The following SMOX variants were observed in gnomAD, a reference collection of about 807,000 sequenced individuals.
SMOX encodes flavin containing amine oxidase.
In SMOX, 22 loss-of-function variants were observed where a neutral mutation model predicts 51.0. The ratio of observed to expected loss-of-function variants is 0.43; its 90% CI spans 0.31 to 0.62. The LOEUF (loss-of-function observed/expected upper bound fraction) is 0.62. SMOX is among the 20% of genes least tolerant of loss of function. The pLI is 0.10. For missense variants in SMOX, 566 were observed against 777.7 expected (o/e 0.73, Z 3.24); for synonymous variants, 282 against 307.8 (o/e 0.92, Z 0.88).
In SMOX at chr20:4,183,995, A is replaced by T. The variant is rs950069700; in HGVS notation, c.1530+341A>T. 8.6e-5 allele frequency among the ~76,000 whole-genome samples: 13 copies of T among 150,592 alleles called. 1 individual carries two copies. The East Asian group carries it at 2.5e-3, about 29-fold the overall frequency. On this transcript the variant is annotated intron_variant, in intron 6 of 6. Coordinates refer to ENST00000305958, the MANE Select transcript of SMOX (RefSeq NM_175839.3). This position sits in a 1 kb window ranked among gnomAD's most constrained non-coding sequence, Gnocchi z 4.3. ...TACAGTATTTTTTTTTTCTTTTTTG[A>T]GACAGGGTCTTGCTCTGTCTACACT...
rs1374488696 is a variant in SMOX, at chr20:4,182,031, G to A, written c.609+55G>A. On this transcript the variant is annotated intron_variant, in intron 4 of 6. Transcript: ENST00000305958. The surrounding 1 kb of genome is among the most constrained non-coding windows in gnomAD (Gnocchi z 8.4). ...GTCTGGGTCTGAGGAGGGCTACGCT[G>A]CTCCTACCCCTGCCCAACCCCGGCG... is the stretch of plus-strand genomic sequence containing the variant. 6.3e-7 allele frequency: 1 copy of A among 1,597,050 alleles called. No homozygotes were observed. Among genetic ancestry groups the A allele is most frequent in the Non-Finnish European group, 8.5e-7 (1 of 1,170,126 alleles).
chr20:4,160,935 C>CCCCCT (rs1336846010), intron 1 of SMOX, among the ~76,000 whole-genome samples: 13 of 152,194 alleles, frequency 8.5e-5, no homozygotes, highest in Non-Finnish European at 1.5e-4. Flanking sequence ...GGAGACCCCA[C>CCCCCT]CCCCTCCCCG....
intron 1 of SMOX, among the ~76,000 whole-genome samples, chr20:4,152,748 T>C (rs928700186): frequency 3.3e-5 from 5 of 152,234 alleles, no homozygotes; most frequent in African/African-American, 1.2e-4. Flanking sequence ...TGTTAACTCC[T>C]TTAATGCTCT....
rs73583969 is a variant in SMOX, at chr20:4,164,916, C to T, written c.-26-10114C>T. Among the ~76,000 whole-genome samples, 1,202 of 152,130 alleles carry T rather than the reference C, an allele frequency of 7.9e-3. 16 individuals carry two copies. The highest frequency in any genetic ancestry group is 0.027 in the African/African-American group (1,123 of 41,486). ...GTGTTTTTTTCTTTAGAGACAAGGT[C>T]GCCCATAGTGGAGTACAGTGGCATG... On this transcript the variant is annotated intron_variant, in intron 1 of 6. Transcript: ENST00000305958.
chr20:4,162,252 GACTCCCA>G (rs1026069848), intron 1 of SMOX, among the ~76,000 whole-genome samples: 48 of 151,780 alleles, frequency 3.2e-4, no homozygotes, highest in African/African-American at 1.1e-3. Flanking sequence ...CCCCACTCCC[GACTCCCA>G]ACTCCCAGGG....
At position 4,155,549 on chromosome 20, in the gene SMOX, C is replaced by T. The variant is rs146696694; in HGVS notation, c.-27+6572C>T. On this transcript the variant is annotated intron_variant, in intron 1 of 6. Transcript: ENST00000305958. ...AGGTCCCTCCAGGGGGGTTATCACA[C>T]GGTTTGCTGGGTGGGGCATTGCCTC... 6.5e-3 allele frequency among the ~76,000 whole-genome samples: 984 copies of T among 152,202 alleles called. 5 individuals are homozygous for T. The highest frequency in any genetic ancestry group is 0.014 in the Middle Eastern group (4 of 294).
At chr20:4,168,739 T>C (rs1376626044) in intron 1 of SMOX, among the ~76,000 whole-genome samples, 3 of 151,908 alleles carry the variant, frequency 2.0e-5, no homozygotes. Context: ...GTATTTTTAG[T>C]AGAGACAGGG....
intron 3 of SMOX, among the ~76,000 whole-genome samples, chr20:4,179,437 C>G (rs1469814377): frequency 6.6e-6 from 1 of 152,066 alleles, no homozygotes; most frequent in Admixed American, 6.6e-5. Context: ...TAAGGCGTAA[C>G]CCTGATGTCA....
At chr20:4,156,261 AAC>A (rs1470690338) in intron 1 of SMOX, among the ~76,000 whole-genome samples, 4 of 152,138 alleles carry the variant, frequency 2.6e-5, no homozygotes, top group Non-Finnish European at 5.9e-5. Flanking sequence ...CCACCAGGAA[AAC>A]ACCTGCTGGG....
chr20:4,175,372 A>G (rs1978757545), intron 2 of SMOX, 109 bp downstream of exon 2: 1 of 1,285,118 alleles, frequency 7.8e-7, no homozygotes, highest in Non-Finnish European at 1.1e-6. Flanking sequence ...TAAATGTTCC[A>G]TCATGCATCC....
At chr20:4,155,656 G>T (rs566737151) in intron 1 of SMOX, among the ~76,000 whole-genome samples, 5 of 152,220 alleles carry the variant, frequency 3.3e-5, no homozygotes, top group African/African-American at 1.2e-4. Context: ...TAATGATGGG[G>T]TCGAATTAGC....
At chr20:4,174,261 A>G (rs1028005304) in intron 1 of SMOX, among the ~76,000 whole-genome samples, 2 of 152,220 alleles carry the variant, frequency 1.3e-5, no homozygotes, top group African/African-American at 4.8e-5. Context: ...GTGCCAGGGA[A>G]AAGCCAGGCA....
rs968788385 is a variant in SMOX at position 4,153,555 on chromosome 20, C to T, written c.-27+4578C>T. ...GGGACCTGGCTGGCTGGCTGAGGAA[C>T]GGTTTGCTGACCACACAGGGATGGG... On this transcript the variant is annotated intron_variant, in intron 1 of 6. Coordinates refer to ENST00000305958, the MANE Select transcript of SMOX (RefSeq NM_175839.3). The surrounding 1 kb of genome is among the most constrained non-coding windows in gnomAD (Gnocchi z 4.4). Among the ~76,000 whole-genome samples, 2 of 152,092 alleles carry T rather than the reference C, an allele frequency of 1.3e-5. No homozygotes were observed. The highest frequency in any genetic ancestry group is 2.9e-5 in the Non-Finnish European group (2 of 68,026).
At position 4,181,901 on chromosome 20, in the gene SMOX, C is replaced by T; in HGVS notation, c.534C>T (p.Asn178=). 5.0e-6 allele frequency: 8 copies of T among 1,614,122 alleles called. No individual in the cohort carries two copies. Among genetic ancestry groups the T allele is most frequent in the Non-Finnish European group, 6.8e-6 (8 of 1,180,022 alleles). ...TGTTCACCCGAGAGGAGGTGCGTAACCGCATCAGGAATGACCCTGACGACC... is the reference window on the plus strand; with the variant it reads ...TGTTCACCCGAGAGGAGGTGCGTAATCGCATCAGGAATGACCCTGACGACC... The part of the protein sequence containing the change: ...VGVFTREEVR[N]RIRNDPDDPE... The change falls in exon 4 of 7, where the codon AAC becomes AAT. Residue 178 remains asparagine (N), a synonymous_variant. Transcript: ENST00000305958. The surrounding 1 kb of genome is among the most constrained non-coding windows in gnomAD (Gnocchi z 5.6).
chr20:4,149,133 G>T lies in SMOX; in HGVS notation c.-27+156G>T, dbSNP rs1765000. On this transcript the variant is annotated intron_variant, in intron 1 of 6. Coordinates refer to ENST00000305958, the MANE Select transcript of SMOX (RefSeq NM_175839.3). This position sits in a 1 kb window ranked among gnomAD's most constrained non-coding sequence, Gnocchi z 6.0. Reference sequence around the variant, plus strand: ...TGGGCGGCCAGCGCGGCGCTCGGGCGCTCGGGCGGGGGTGCGGGGCGTTCC... The same window carrying T: ...TGGGCGGCCAGCGCGGCGCTCGGGCTCTCGGGCGGGGGTGCGGGGCGTTCC... Among the ~76,000 whole-genome samples, 12,104 of 149,024 alleles carry T rather than the reference G, an allele frequency of 0.081. 633 individuals are homozygous for T. The highest frequency in any genetic ancestry group is 0.14 in the South Asian group (653 of 4,824).
chr20:4,179,722 T>C lies in SMOX; in HGVS notation c.436-2081T>C, dbSNP rs141262612. On this transcript the variant is annotated intron_variant, in intron 3 of 6. Transcript: ENST00000305958. ...TAGCTGTGGAATCTTGAGCAGGTTATTGAGCCTCTCTGAGCCTTACTTTCC... is the reference window on the plus strand; with the variant it reads ...TAGCTGTGGAATCTTGAGCAGGTTACTGAGCCTCTCTGAGCCTTACTTTCC... Among the ~76,000 whole-genome samples the C allele has an allele frequency of 7.2e-3, 1,103 of 152,334 alleles. 12 individuals carry two copies. The highest frequency in any genetic ancestry group is 0.025 in the African/African-American group (1,053 of 41,572).
chr20:4,161,288 A>G (rs1986303544), intron 1 of SMOX, among the ~76,000 whole-genome samples: 1 of 152,168 alleles, frequency 6.6e-6, no homozygotes, highest in Non-Finnish European at 1.5e-5. Flanking sequence ...TGCCTCATGC[A>G]GGGGGCTGTG....
At chr20:4,151,085 GC>G (rs371843519) in intron 1 of SMOX, among the ~76,000 whole-genome samples, 99 of 152,226 alleles carry the variant, frequency 6.5e-4, no homozygotes, top group African/African-American at 2.3e-3. Flanking sequence ...ACCCATCTTG[GC>G]CTCCCAAAGT....
intron 1 of SMOX, among the ~76,000 whole-genome samples, chr20:4,156,211 T>C (rs374232601): frequency 9.9e-5 from 15 of 152,084 alleles, no homozygotes; most frequent in Admixed American, 7.9e-4. Flanking sequence ...GATCTGACCG[T>C]GGAAATCTTT....
Sources: gnomAD v4.1 joint callset for allele counts (sites outside exome capture counted in the v4.1 genomes callset) on GRCh38, gnomAD v4.1.1 for gene constraint, Gnocchi (gnomAD v3.1) non-coding constraint, MANE v1.5 for transcripts, NCBI Gene and HGNC (gene_info 2026-07-23, HGNC 2026-07-21) for gene names.